The following C2orf92 variants were observed in gnomAD, a reference collection of about 807,000 sequenced individuals.
The protein encoded by C2orf92 is uncharacterized protein C2orf92.
At chr2:97,683,964 A>G (rs1675867141) in intron 3 of C2orf92, among the ~76,000 whole-genome samples, 1 of 149,824 alleles carries the variant, frequency 6.7e-6, no homozygotes, top group African/African-American at 2.5e-5. Context: ...TCCTGGGTTC[A>G]CGCCATTCTC....
At chr2:97,684,128 C>T (rs895133651) in intron 3 of C2orf92, among the ~76,000 whole-genome samples, 4 of 151,206 alleles carry the variant, frequency 2.6e-5, no homozygotes, top group African/African-American at 9.8e-5. Flanking sequence ...CTCTGCCTCC[C>T]AGGTTCACAC....
chr2:97,701,225 G>A lies in C2orf92; in HGVS notation c.586G>A (p.Val196Ile), dbSNP rs1019278978. The A allele has an allele frequency of 6.8e-5, 27 of 398,974 alleles. No individual in the cohort carries two copies. The highest frequency in any genetic ancestry group is 4.0e-4 in the Admixed American group (9 of 22,710). The allele number at this position is 398,974 out of a possible 1,614,324, so 24.7% of individuals were successfully genotyped here. The change falls in exon 7 of 8, where the codon GTC becomes ATC. Residue 196 changes from valine (V) to isoleucine (I), a missense_variant. By Grantham distance (29) the Val-to-Ile change is conservative (BLOSUM62 3). Coordinates refer to ENST00000627399, the MANE Select transcript of C2orf92 (RefSeq NM_001351368.2). ...FLQRNTIIAA[V>I]SGVAILMAIV... is the part of the protein sequence containing the mutation. ...GCAGAGGAACACCATCATCGCCGCC[G>A]TCTCAGGGGTGGCCATCCTCATGGC...
At chr2:97,669,529 C>T (rs572420587), upstream of C2orf92, 15 of 353,070 alleles carry the variant, frequency 4.2e-5, no homozygotes, top group Non-Finnish European at 7.6e-5. Context: ...GCCCTCAGGA[C>T]ATGCAGGATG....
intron 3 of C2orf92, among the ~76,000 whole-genome samples, chr2:97,686,547 G>C (rs541724526): frequency 1.3e-5 from 2 of 152,052 alleles, no homozygotes; most frequent in Non-Finnish European, 2.9e-5. Flanking sequence ...AGCCTCCCGC[G>C]TAGCTGGGAT....
upstream of C2orf92, among the ~76,000 whole-genome samples, chr2:97,667,261 CTTTTTTAT>C (rs1419137879): frequency 2.8e-5 from 3 of 106,496 alleles, no homozygotes; most frequent in Non-Finnish European, 5.7e-5. Flanking sequence ...CTTCAGGTCT[CTTTTTTAT>C]TTTTTTTTTT....
rs143227941 is a variant in C2orf92 at position 97,702,739 on chromosome 2, GA to G, written c.743del (p.Asn248IlefsTer12). ...AAAGACATGGTGGCACAATTCTGAA[GA>G]AAAAAATTTCACAAAACTTGCAAAA... Reference protein sequence around the residue: ...DGKTWWHNSEEKNFTKLAKKQ... With the variant: ...DGKTWWHNSEXKNFTKLAKKQ... On this transcript the variant is annotated frameshift_variant, in exon 8 of 8. Coordinates refer to ENST00000627399, the MANE Select transcript of C2orf92 (RefSeq NM_001351368.2). LOFTEE classifies it low-confidence loss of function (END_TRUNC). 8,561 of 398,838 alleles carry G rather than the reference GA, an allele frequency of 0.021. 591 individuals carry two copies. The highest frequency in any genetic ancestry group is 0.15 in the African/African-American group (7,512 of 48,646). 24.7% of individuals were successfully genotyped at this position (398,838 alleles called of 1,614,324 possible).
At chr2:97,678,246 AC>A (rs1413715795) in intron 3 of C2orf92, among the ~76,000 whole-genome samples, 2 of 151,908 alleles carry the variant, frequency 1.3e-5, no homozygotes, top group African/African-American at 4.8e-5. Context: ...TGAAGATAAG[AC>A]ATTGAAAGTA....
chr2:97,685,143 A>G (rs542128873), intron 3 of C2orf92, among the ~76,000 whole-genome samples: 2 of 151,682 alleles, frequency 1.3e-5, no homozygotes, highest in Admixed American at 1.3e-4. Flanking sequence ...GTTAGCCAGG[A>G]TGGTCTCGAT....
chr2:97,696,889 G>A (rs1469246270), intron 5 of C2orf92, among the ~76,000 whole-genome samples: 1 of 152,238 alleles, frequency 6.6e-6, no homozygotes, highest in East Asian at 1.9e-4. Context: ...TAGGTCCACT[G>A]AATGGAACAT....
chr2:97,691,775 C>A (rs1265779233), intron 5 of C2orf92, among the ~76,000 whole-genome samples: 1 of 152,074 alleles, frequency 6.6e-6, no homozygotes, highest in Non-Finnish European at 1.5e-5. Context: ...TCAAGACCAG[C>A]TACTCAGGAG....
intron 5 of C2orf92, among the ~76,000 whole-genome samples, chr2:97,691,529 A>G (rs1676136718): frequency 6.6e-6 from 1 of 152,350 alleles, no homozygotes; most frequent in East Asian, 1.9e-4. Context: ...GCTAGAATCC[A>G]TGAAGCATTT....
Position 97,681,082 on chromosome 2 carries a change from A to G in C2orf92, c.232+5154A>G, listed in dbSNP as rs528834107. Among the ~76,000 whole-genome samples, 27 of 135,340 alleles carry G rather than the reference A, an allele frequency of 2.0e-4. No individual in the cohort carries two copies. In the Middle Eastern group the frequency reaches 0.015, roughly 77 times the overall value. 88.8% of individuals were successfully genotyped at this position (135,340 alleles called of 152,430 possible). ...AGATGGCGCCACTGCACTCCAGCACAGGAGACAGAGCGAGACTCCATCTCA... is the reference window on the plus strand; with the variant it reads ...AGATGGCGCCACTGCACTCCAGCACGGGAGACAGAGCGAGACTCCATCTCA... On this transcript the variant is annotated intron_variant, in intron 3 of 7. Transcript: ENST00000627399.
upstream of C2orf92, chr2:97,669,216 C>T (rs1404447382): frequency 3.3e-5 from 5 of 152,152 alleles, no homozygotes; most frequent in Admixed American, 3.3e-4. Flanking sequence ...ATGGGCGTAT[C>T]AATTGGTCTA....
intron 6 of C2orf92, 78 bp downstream of exon 6, chr2:97,699,214 T>C: frequency 2.5e-6 from 1 of 397,360 alleles, no homozygotes; most frequent in Non-Finnish European, 4.4e-6. Flanking sequence ...TTGCCTTTCA[T>C]GGTATTTTAA....
At chr2:97,678,104 G>A (rs980604284) in intron 3 of C2orf92, among the ~76,000 whole-genome samples, 1 of 151,958 alleles carries the variant, frequency 6.6e-6, no homozygotes, top group Admixed American at 6.6e-5. Flanking sequence ...GGAGGCTGAG[G>A]CAGGAGAATG....
intron 1 of C2orf92, chr2:97,671,741 G>A (rs1402988926): frequency 3.6e-5 from 13 of 357,266 alleles, no homozygotes; most frequent in East Asian, 8.1e-5. Flanking sequence ...GGACTGCGGC[G>A]TCAGATGCCA....
chr2:97,697,119 C>G (rs746830590), intron 5 of C2orf92: 1 of 152,100 alleles, frequency 6.6e-6, no homozygotes, highest in Admixed American at 6.5e-5. Context: ...CATGGAAGGA[C>G]GGGAGAATTG....
At chr2:97,689,756 C>T (rs1350321390) in intron 4 of C2orf92, among the ~76,000 whole-genome samples, 1 of 152,156 alleles carries the variant, frequency 6.6e-6, no homozygotes, top group Non-Finnish European at 1.5e-5. Context: ...GGCGGCACCA[C>T]TGTCTACATC....
upstream of C2orf92, chr2:97,665,903 A>C (rs59060391): frequency 6.6e-6 from 1 of 151,406 alleles, no homozygotes; most frequent in African/African-American, 2.4e-5. Flanking sequence ...TCAGCCTTCC[A>C]AGTAGCTGGG....
Sources: gnomAD v4.1 joint callset for allele counts (sites outside exome capture counted in the v4.1 genomes callset) on GRCh38, gnomAD v4.1.1 for gene constraint, MANE v1.5 for transcripts, NCBI Gene and HGNC (gene_info 2026-07-23, HGNC 2026-07-21) for gene names.